Variants in SLC28A1 observed in about 807,000 individuals in gnomAD.
The protein encoded by SLC28A1 is solute carrier family 28 member 1.
A neutral mutation model predicts 74.8 loss-of-function variants in SLC28A1; 64 were observed. That is an observed-to-expected ratio of 0.86 (90% confidence interval 0.70 to 1.05). The LOEUF (loss-of-function observed/expected upper bound fraction) is 1.05, where lower values mean the gene tolerates loss of function less well. SLC28A1 is among the 50% of genes least tolerant of loss of function. The pLI is 0.00. For synonymous variants in SLC28A1, 359 were observed against 335.0 expected, an observed-to-expected ratio of 1.07 and a Z score of -0.78; for missense variants, 828 against 822.8, an observed-to-expected ratio of 1.01 and a Z score of -0.08.
intron 12 of SLC28A1, among the ~76,000 whole-genome samples, chr15:84,930,712 T>C (rs1971168680): frequency 6.6e-6 from 1 of 151,094 alleles, no homozygotes; most frequent in South Asian, 2.1e-4. Flanking sequence ...TTCTACCCAT[T>C]CTCGTGCCTC....
chr15:84,931,490 C>CAA (rs71135334), intron 12 of SLC28A1, among the ~76,000 whole-genome samples: 3 of 139,856 alleles, frequency 2.1e-5, no homozygotes, highest in Admixed American at 7.1e-5. Context: ...ACTGAAAATA[C>CAA]AAAAAAAAAA....
chr15:84,920,863 T>C lies in SLC28A1; in HGVS notation c.877-126T>C, dbSNP rs1286399894. 4 of 777,170 alleles carry C rather than the reference T, an allele frequency of 5.1e-6. No individual in the cohort carries two copies. In the South Asian group the frequency reaches 5.5e-5, roughly 11 times the overall value. 48.1% of individuals were successfully genotyped at this position (777,170 alleles called of 1,614,324 possible). On this transcript the variant is annotated intron_variant, in intron 10 of 18. Transcript: ENST00000394573. ...GATGAATGGACCTTTTGGGAAAATG[T>C]AGATGAAGGGGTCCTACACTGGGCT...
At chr15:84,959,185 C>A in the SLC28A1 span, among the ~76,000 whole-genome samples, 1 of 151,826 alleles carries the variant, frequency 6.6e-6, no homozygotes, top group Admixed American at 6.5e-5. Flanking sequence ...CTCATTGCAG[C>A]CTCGACCATC....
At chr15:84,931,539 C>A (rs1971280687) in intron 12 of SLC28A1, among the ~76,000 whole-genome samples, 1 of 146,852 alleles carries the variant, frequency 6.8e-6, no homozygotes, top group East Asian at 2.1e-4. Flanking sequence ...GTAGTCCCAG[C>A]TACTTGGGAG....
At chr15:84,957,679 C>G in the SLC28A1 span, among the ~76,000 whole-genome samples, 15 of 152,220 alleles carry the variant, frequency 9.9e-5, no homozygotes, top group Admixed American at 3.3e-4. Context: ...TATCTGTAGT[C>G]TATCCTCATG....
the SLC28A1 span, among the ~76,000 whole-genome samples, chr15:84,973,329 A>C: frequency 6.6e-6 from 1 of 152,218 alleles, no homozygotes. Context: ...AAAGTGACTT[A>C]AGCAAAAGCA....
intron 5 of SLC28A1, among the ~76,000 whole-genome samples, chr15:84,893,478 T>C (rs1167344617): frequency 2.0e-5 from 3 of 152,182 alleles, no homozygotes; most frequent in Non-Finnish European, 2.9e-5. Flanking sequence ...ACTCAACTTA[T>C]CTTCTCCCTC....
Position 84,935,029 on chromosome 15 carries a change from T to C in SLC28A1, c.1218T>C (p.Asp406=). ...TCATTCTTGATCCCAACAACAGAGATGCTCAGAACCTCATAGAAGCAGCCA... is the reference window on the plus strand; with the variant it reads ...TCATTCTTGATCCCAACAACAGAGACGCTCAGAACCTCATAGAAGCAGCCA... ...REEGVKLTYG[D]AQNLIEAAST... is the part of the protein sequence containing the mutation. Residue 406 remains aspartate, a synonymous_variant, in exon 14 of 19, where the codon GAT becomes GAC. Transcript: ENST00000394573. 3.7e-6 allele frequency: 6 copies of C among 1,613,992 alleles called. No individual in the cohort carries two copies. The highest frequency in any genetic ancestry group is 5.1e-6 in the Non-Finnish European group (6 of 1,179,844).
chr15:84,915,824 T>C (rs1193947575), intron 9 of SLC28A1, among the ~76,000 whole-genome samples: 1 of 152,048 alleles, frequency 6.6e-6, no homozygotes, highest in African/African-American at 2.4e-5. Flanking sequence ...CTCCTTCCCC[T>C]CTCACCCTTT....
At chr15:84,961,387 A>C in the SLC28A1 span, 2 of 341,328 alleles carry the variant, frequency 5.9e-6, no homozygotes, top group Non-Finnish European at 1.1e-5. Flanking sequence ...GCTGGGGTAC[A>C]GTGATATAAT....
chr15:84,906,557 TTTCTTTCTCTTTCTTTCTTCCTTCCTTC>T (rs1967213877), intron 8 of SLC28A1, among the ~76,000 whole-genome samples: 4 of 88,056 alleles, frequency 4.5e-5, no homozygotes, highest in African/African-American at 1.5e-4. Context: ...TCTTTCTTTC[TTTCTTTCTCTTTCTTTCTTCCTTCCTTC>T]CTTCCTTCCT....
the SLC28A1 span, among the ~76,000 whole-genome samples, chr15:84,963,947 AG>A: frequency 9.2e-5 from 14 of 152,204 alleles, no homozygotes; most frequent in Admixed American, 5.2e-4. Flanking sequence ...GCTCTTCCAC[AG>A]GCTGCTCCAG....
intron 8 of SLC28A1, among the ~76,000 whole-genome samples, chr15:84,908,088 C>T (rs958155048): frequency 2.5e-4 from 38 of 151,494 alleles, no homozygotes; most frequent in African/African-American, 9.0e-4. Context: ...GGGGCCTGAG[C>T]GGCACAAGAG....
chr15:84,889,738 TTCCTTCCTTCCTTCCTTCCTTCCTTC>T lies in SLC28A1; in HGVS notation c.186-704_186-679del, dbSNP rs1424186472. ...CTTCCTTCCTTCCTTCCTTCCTTCC[TTCCTTCCTTCCTTCCTTCCTTCCTTC>T]CTTTTCTTTCTCTCTTCCTTCCTTC... On this transcript the variant is annotated intron_variant, in intron 4 of 18. Coordinates refer to ENST00000394573, the MANE Select transcript of SLC28A1 (RefSeq NM_004213.5). 3.8e-3 allele frequency among the ~76,000 whole-genome samples: 385 copies of T among 100,604 alleles called. 4 individuals carry two copies. The highest frequency in any genetic ancestry group is 0.013 in the African/African-American group (356 of 27,870). The allele number at this position is 100,604 out of a possible 152,430, so 66.0% of individuals were successfully genotyped here.
At chr15:84,936,569 G>A (rs1971968780) in intron 15 of SLC28A1, among the ~76,000 whole-genome samples, 2 of 152,078 alleles carry the variant, frequency 1.3e-5, no homozygotes, top group Admixed American at 1.3e-4. Context: ...CACCTTCACT[G>A]TTAGTATAGT....
intron 8 of SLC28A1, among the ~76,000 whole-genome samples, chr15:84,906,508 G>GTTTCTTTCTTTC (rs1555447134): frequency 9.1e-5 from 5 of 54,686 alleles, no homozygotes; most frequent in African/African-American, 3.7e-4. Flanking sequence ...TGGTTTGTTT[G>GTTTCTTTCTTTC]TTTGTTTGTT....
intron 9 of SLC28A1, among the ~76,000 whole-genome samples, chr15:84,915,594 C>T (rs1454637254): frequency 2.0e-5 from 3 of 152,194 alleles, no homozygotes; most frequent in African/African-American, 7.2e-5. Flanking sequence ...CCTCAGTCCC[C>T]ACGCTTCCTC....
At chr15:84,973,266 C>G in the SLC28A1 span, among the ~76,000 whole-genome samples, 1 of 152,154 alleles carries the variant, frequency 6.6e-6, no homozygotes, top group Non-Finnish European at 1.5e-5. Flanking sequence ...TCAGACTTAT[C>G]CCCCTAGTCC....
At chr15:84,902,515 A>C (rs557906753) in intron 6 of SLC28A1, among the ~76,000 whole-genome samples, 2 of 152,226 alleles carry the variant, frequency 1.3e-5, no homozygotes, top group Non-Finnish European at 1.5e-5. Flanking sequence ...TAGTGGCAGA[A>C]AACATATCAA....
Sources: allele counts gnomAD v4.1 joint callset (sites outside exome capture counted in the v4.1 genomes callset), GRCh38; gene constraint gnomAD v4.1.1; transcripts MANE v1.5; gene names NCBI Gene and HGNC (gene_info 2026-07-23, HGNC 2026-07-21).